Variants in COL27A1 observed in about 807,000 individuals in gnomAD.
COL27A1 encodes collagen alpha-1(XXVII) chain.
COL27A1 carries 106 observed loss-of-function variants against 251.3 expected under a neutral mutation model. The observed-to-expected ratio is 0.42, with a 90% confidence interval of 0.36 to 0.50. The LOEUF (loss-of-function observed/expected upper bound fraction) is 0.50, where lower values mean the gene tolerates loss of function less well. COL27A1 is among the 20% of genes least tolerant of loss of function. COL27A1 has a pLI of 0.00. For synonymous variants in COL27A1, 1,000 were observed against 986.3 expected (o/e 1.01, Z -0.26); for missense variants, 2,325 against 2,522.8 (o/e 0.92, Z 1.68).
chr9:114,295,692 T>C (rs1828217104), intron 49 of COL27A1, among the ~76,000 whole-genome samples: 1 of 152,142 alleles, frequency 6.6e-6, no homozygotes, highest in African/African-American at 2.4e-5. Flanking sequence ...AGTTTCACTC[T>C]TGTTGCCCAG....
At position 114,168,133 on chromosome 9, in the gene COL27A1, C is replaced by T. The variant is rs1400586363; in HGVS notation, c.578C>T (p.Pro193Leu). 1 of 1,613,106 alleles carries T rather than the reference C, an allele frequency of 6.2e-7. No individual in the cohort carries two copies. Among genetic ancestry groups the T allele is most frequent in the South Asian group, 1.1e-5 (1 of 91,084 alleles). ...LPFHRDPALD[P>L]GGSFLFGKMN... ...TTCCACAGGGACCCTGCACTCGACC[C>T]TGGGGGCTCCTTCCTCTTTGGGAAG... Residue 193 changes from proline (P) to leucine (L), a missense_variant, in exon 3 of 61, where the codon CCT (proline) becomes CTT (leucine). Pro to Leu is a moderately conservative substitution (Grantham distance 98, BLOSUM62 -3). Transcript: ENST00000356083.
chr9:114,251,476 T>G (rs1407686015), intron 25 of COL27A1, among the ~76,000 whole-genome samples: 1 of 152,164 alleles, frequency 6.6e-6, no homozygotes, highest in African/African-American at 2.4e-5. Flanking sequence ...TCCTTTTAAA[T>G]TCAGCTTTTT....
In COL27A1 at chr9:114,205,809, G is replaced by T; in HGVS notation, c.2220G>T (p.Arg740Ser). The T allele has an allele frequency of 6.2e-7, 1 of 1,613,214 alleles. No homozygotes were observed. Among genetic ancestry groups the T allele is most frequent in the Non-Finnish European group, 8.5e-7 (1 of 1,179,590 alleles). The change falls in exon 9 of 61, where the codon AGG (arginine) becomes AGT (serine). Residue 740 changes from arginine (R) to serine (S), a missense_variant. This residue lies in a region of COL27A1 where 1,183 missense variants were observed against 1,144.1 expected (regional missense o/e 1.03). Transcript: ENST00000356083. The stretch of plus-strand genomic sequence containing the variant: ...CAGGGGCCAAAGGTTACCCTGGCAG[G>T]CAGGTGCAGTATATGGCTTCTGGAA... ...GSPGAKGYPG[R>S]QGLPGPVGDP...
In COL27A1 at chr9:114,282,500, C is replaced by G. The variant is rs1409340783; in HGVS notation, c.3815C>G (p.Pro1272Arg). ...GGACAGCTGGGTGAGATGGGCGTCCCTGGAGACCCTGGACCCCCTGGCACT... is the reference window on the plus strand; with the variant it reads ...GGACAGCTGGGTGAGATGGGCGTCCGTGGAGACCCTGGACCCCCTGGCACT... ...YQGQLGEMGV[P>R]GDPGPPGTPG... Residue 1272 changes from proline (P) to arginine (R), a missense_variant, in exon 39 of 61, where the codon CCT becomes CGT. Physicochemically the swap from Pro to Arg is moderately radical, Grantham distance 103 (BLOSUM62 -2). Transcript: ENST00000356083. 2 of 1,584,272 alleles carry G rather than the reference C, an allele frequency of 1.3e-6. No individual in the cohort carries two copies. Among genetic ancestry groups the G allele is most frequent in the Non-Finnish European group, 1.7e-6 (2 of 1,165,970 alleles).
intron 37 of COL27A1, among the ~76,000 whole-genome samples, chr9:114,280,826 C>T (rs1052011343): frequency 1.3e-5 from 2 of 152,172 alleles, no homozygotes; most frequent in African/African-American, 2.4e-5. Flanking sequence ...TAGTTGATGC[C>T]GCATTAGTCT....
chr9:114,200,096 T>A (rs537693880), intron 7 of COL27A1, among the ~76,000 whole-genome samples: 1 of 152,240 alleles, frequency 6.6e-6, no homozygotes, highest in South Asian at 2.1e-4. Context: ...TCTGGAAGTG[T>A]GTCTGGGGAA....
chr9:114,277,271 T>C (rs989215571), intron 37 of COL27A1, among the ~76,000 whole-genome samples: 4 of 152,100 alleles, frequency 2.6e-5, no homozygotes, highest in Admixed American at 2.6e-4. Context: ...GGTGGCCTCG[T>C]AGACAAAATG....
intron 4 of COL27A1, among the ~76,000 whole-genome samples, chr9:114,180,504 G>A (rs147296365): frequency 3.0e-4 from 45 of 152,172 alleles, no homozygotes; most frequent in African/African-American, 9.1e-4. Flanking sequence ...CCTGCCCGCC[G>A]TCCCACCATC....
At chr9:114,237,168 C>A (rs1832456800) in intron 18 of COL27A1, 134 bp downstream of exon 18, 1 of 811,158 alleles carries the variant, frequency 1.2e-6, no homozygotes, top group South Asian at 1.8e-5. Flanking sequence ...CAGGGCAGGG[C>A]AGGAATGGGA....
At chr9:114,190,903 G>T (rs1828706630) in intron 5 of COL27A1, among the ~76,000 whole-genome samples, 1 of 152,208 alleles carries the variant, frequency 6.6e-6, no homozygotes, top group Non-Finnish European at 1.5e-5. Flanking sequence ...AGGTGTAAAT[G>T]GTTAGTTAGA....
At chr9:114,264,650 G>C (rs528024580) in intron 29 of COL27A1, among the ~76,000 whole-genome samples, 1 of 151,972 alleles carries the variant, frequency 6.6e-6, no homozygotes, top group Admixed American at 6.6e-5. Flanking sequence ...CCCTTTCCCC[G>C]GACCCCAAAC....
Position 114,241,744 on chromosome 9 carries a change from G to C in COL27A1, c.2836-443G>C, listed in dbSNP as rs117729470. Reference sequence around the variant, plus strand: ...GGGGGTGGCTGCAAGAAAGAATAAGGCATCACTGCTGACCTCCAGGAACTC... The same window carrying C: ...GGGGGTGGCTGCAAGAAAGAATAAGCCATCACTGCTGACCTCCAGGAACTC... On this transcript the variant is annotated intron_variant, in intron 21 of 60. Transcript: ENST00000356083. Among the ~76,000 whole-genome samples the C allele has an allele frequency of 2.5e-3, 382 of 152,316 alleles. 1 individual carries two copies. Among genetic ancestry groups the C allele is most frequent in the Non-Finnish European group, 4.7e-3 (320 of 68,024 alleles).
At chr9:114,196,098 G>A in intron 7 of COL27A1, 86 bp downstream of exon 7, 1 of 1,163,964 alleles carries the variant, frequency 8.6e-7, no homozygotes, top group Non-Finnish European at 1.3e-6. Context: ...GGGCCCACCT[G>A]CCTCTCCCCA....
chr9:114,290,378 G>A lies in COL27A1; in HGVS notation c.4368+47G>A, dbSNP rs755676593. 6.7e-7 allele frequency: 1 copy of A among 1,486,952 alleles called. No homozygotes were observed. The allele number at this position is 1,486,952 out of a possible 1,614,324, so 92.1% of individuals were successfully genotyped here. On this transcript the variant is annotated intron_variant, in intron 47 of 60. Transcript: ENST00000356083. This position sits in a 1 kb window ranked among gnomAD's most constrained non-coding sequence, Gnocchi z 4.6. ...CAGATGGTGGCTCCATTTGGGACCA[G>A]GTGTAGGGGAACTTCCCCAGGCCAT...
rs755438789 is a variant in COL27A1, at chr9:114,169,395, C to T, written c.1840C>T (p.Leu614=). The change falls in exon 3 of 61, where the codon CTG becomes TTG. Residue 614 remains leucine (L), a synonymous_variant. Transcript: ENST00000356083. ...PTSSGYSIFH[L]AGSTPFPLLM... The stretch of plus-strand genomic sequence containing the variant: ...GAGCAGTGGCTATTCGATCTTCCAC[C>T]TGGCAGGATCTACGCCTTTCCCTCT... 4 of 1,606,624 alleles carry T rather than the reference C, an allele frequency of 2.5e-6. No homozygotes were observed. Among genetic ancestry groups the T allele is most frequent in the Admixed American group, 1.7e-5 (1 of 59,464 alleles).
intron 37 of COL27A1, among the ~76,000 whole-genome samples, chr9:114,276,854 C>T (rs995700693): frequency 2.0e-5 from 3 of 152,228 alleles, no homozygotes; most frequent in Non-Finnish European, 4.4e-5. Flanking sequence ...GCAGAATTCT[C>T]CTGTTTCAAC....
At chr9:114,172,153 A>T (rs866993500) in intron 3 of COL27A1, among the ~76,000 whole-genome samples, 1 of 152,188 alleles carries the variant, frequency 6.6e-6, no homozygotes, top group Admixed American at 6.5e-5. Context: ...TCCACTGTGT[A>T]GCAGATGGCA....
chr9:114,158,762 G>A (rs752158177), intron 1 of COL27A1, among the ~76,000 whole-genome samples: 54 of 152,326 alleles, frequency 3.5e-4, no homozygotes, highest in Non-Finnish European at 4.9e-4. Flanking sequence ...TAGATGGCTC[G>A]TTGGCTCCCT....
chr9:114,173,631 T>C (rs1295508067), intron 3 of COL27A1, among the ~76,000 whole-genome samples: 1 of 152,082 alleles, frequency 6.6e-6, no homozygotes, highest in African/African-American at 2.4e-5. Context: ...CCTCAGTTTC[T>C]GCCTCTATAA....
Sources: allele counts gnomAD v4.1 joint callset (sites outside exome capture counted in the v4.1 genomes callset), GRCh38; gene constraint gnomAD v4.1.1; regional missense constraint gnomAD v4.1.1; non-coding constraint Gnocchi (gnomAD v3.1); transcripts MANE v1.5; gene names NCBI Gene and HGNC (gene_info 2026-07-23, HGNC 2026-07-21).